DLG2: variants seen among roughly 807,000 people sequenced by gnomAD.
The protein encoded by DLG2 is discs large MAGUK scaffold protein 2.
DLG2 carries 45 observed loss-of-function variants against 132.5 expected under a neutral mutation model. The ratio of observed to expected loss-of-function variants is 0.34; its 90% CI spans 0.27 to 0.44. The LOEUF is 0.44. DLG2 is among the 20% of genes least tolerant of loss of function. The pLI, the probability that DLG2 is intolerant of heterozygous loss-of-function variation, is 1.00. For synonymous variants in DLG2, 424 were observed against 419.6 expected (o/e 1.01, Z -0.13); for missense variants, 1,045 against 1,196.9 (o/e 0.87, Z 1.87).
chr11:85,293,593 T>G (rs537343127), intron 3 of DLG2, among the ~76,000 whole-genome samples: 3 of 152,082 alleles, frequency 2.0e-5, no homozygotes, highest in Non-Finnish European at 4.4e-5. Context: ...ACTACATACT[T>G]GACTTGAAAT....
At chr11:85,433,018 A>T (rs1003664098) in intron 3 of DLG2, among the ~76,000 whole-genome samples, 1 of 152,238 alleles carries the variant, frequency 6.6e-6, no homozygotes, top group Non-Finnish European at 1.5e-5. Context: ...AATATTCAAC[A>T]TTCTTAAAGG....
At position 85,442,572 on chromosome 11, in the gene DLG2, T is replaced by G. The variant is rs568073452; in HGVS notation, c.40+156085A>C. ...GATAGCAAAAGAGAAATTAAAAGTTTTCTTTTGGGTCAGGTACAATGGCTC... is the reference window on the plus strand; with the variant it reads ...GATAGCAAAAGAGAAATTAAAAGTTGTCTTTTGGGTCAGGTACAATGGCTC... On this transcript the variant is annotated intron_variant, in intron 3 of 27. Coordinates refer to ENST00000376104, the MANE Select transcript of DLG2 (RefSeq NM_001142699.3). Among the ~76,000 whole-genome samples, 24 of 152,230 alleles carry G rather than the reference T, an allele frequency of 1.6e-4. No individual in the cohort carries two copies. The South Asian group carries it at 3.9e-3, about 25-fold the overall frequency.
intron 7 of DLG2, among the ~76,000 whole-genome samples, chr11:84,388,113 A>G (rs1484930625): frequency 2.0e-5 from 3 of 152,182 alleles, no homozygotes; most frequent in Admixed American, 2.0e-4. Context: ...GGGACGTATA[A>G]TAACAAACAG....
chr11:85,087,334 G>A (rs1041207669), intron 6 of DLG2, among the ~76,000 whole-genome samples: 4 of 152,208 alleles, frequency 2.6e-5, no homozygotes, highest in African/African-American at 9.6e-5. Context: ...GGATAGAGAA[G>A]CCATCTCTAA....
chr11:84,150,388 A>G (rs1280748630), intron 9 of DLG2, among the ~76,000 whole-genome samples: 7 of 152,176 alleles, frequency 4.6e-5, no homozygotes, highest in African/African-American at 7.2e-5. Context: ...ATTGTTGTAT[A>G]TAAGTGCTAC....
chr11:84,392,593 G>GTAT (rs1788448208), intron 7 of DLG2, among the ~76,000 whole-genome samples: 1 of 152,160 alleles, frequency 6.6e-6, no homozygotes, highest in Non-Finnish European at 1.5e-5. Flanking sequence ...TTGCAAGCAT[G>GTAT]TATTGAACAC....
intron 6 of DLG2, among the ~76,000 whole-genome samples, chr11:84,969,974 G>C (rs1013874951): frequency 6.6e-6 from 1 of 152,012 alleles, no homozygotes; most frequent in East Asian, 1.9e-4. Flanking sequence ...CGATGAGAAC[G>C]CATGGACAGA....
At chr11:83,542,548 G>A (rs1158085873) in intron 19 of DLG2, among the ~76,000 whole-genome samples, 1 of 152,130 alleles carries the variant, frequency 6.6e-6, no homozygotes, top group Non-Finnish European at 1.5e-5. Flanking sequence ...ACGATGCCTA[G>A]CTTACCTCAT....
In DLG2 at chr11:84,167,380, A is replaced by C. The variant is rs562885735; in HGVS notation, c.574-3869T>G. 3.9e-5 allele frequency among the ~76,000 whole-genome samples: 6 copies of C among 152,274 alleles called. No homozygotes were observed. The South Asian group carries it at 1.2e-3, about 32-fold the overall frequency. ...TAAAGCTCTAATTTAATGAATGTTG[A>C]ATGCATTAAATATTTGTTTTTCTCC... On this transcript the variant is annotated intron_variant, in intron 8 of 27. Transcript: ENST00000376104.
rs1012156844 is a variant in DLG2 at position 84,380,775 on chromosome 11, T to G, written c.520-129484A>C. On this transcript the variant is annotated intron_variant, in intron 7 of 27. Transcript: ENST00000376104. Reference sequence around the variant, plus strand: ...AATAGAGAAAATCAGCAAGGCCCAATTTAGTGTTTTCATAACAAATAAAAT... The same window carrying G: ...AATAGAGAAAATCAGCAAGGCCCAAGTTAGTGTTTTCATAACAAATAAAAT... Among the ~76,000 whole-genome samples, 5 of 151,958 alleles carry G rather than the reference T, an allele frequency of 3.3e-5. No individual in the cohort carries two copies. The East Asian group carries it at 9.7e-4, about 29-fold the overall frequency.
At chr11:83,505,948 T>G (rs1308035399) in intron 21 of DLG2, among the ~76,000 whole-genome samples, 3 of 151,994 alleles carry the variant, frequency 2.0e-5, no homozygotes, top group Non-Finnish European at 4.4e-5. Flanking sequence ...GTGGCAGGAG[T>G]GGAGACCATG....
chr11:84,947,559 A>G (rs2050377440), intron 6 of DLG2, among the ~76,000 whole-genome samples: 2 of 152,030 alleles, frequency 1.3e-5, no homozygotes, highest in African/African-American at 4.8e-5. Flanking sequence ...TTCCCCCACC[A>G]CACCCCTTGC....
intron 7 of DLG2, among the ~76,000 whole-genome samples, chr11:84,300,898 T>A (rs1343847436): frequency 6.6e-6 from 1 of 152,342 alleles, no homozygotes; most frequent in African/African-American, 2.4e-5. Context: ...AGAAGCAATT[T>A]GGCAATTAAC....
At position 84,286,269 on chromosome 11, in the gene DLG2, C is replaced by T. The variant is rs543079266; in HGVS notation, c.520-34978G>A. On this transcript the variant is annotated intron_variant, in intron 7 of 27. Transcript: ENST00000376104. ...GACTTTACAGTGGCTTCCAGTGATG[C>T]TCCACTCTGCTGCTTTTAAAAACTC... Among the ~76,000 whole-genome samples, 5 of 152,246 alleles carry T rather than the reference C, an allele frequency of 3.3e-5. No homozygotes were observed. The South Asian group carries it at 8.3e-4, about 25-fold the overall frequency.
chr11:84,287,825 A>C (rs550360538), intron 7 of DLG2, among the ~76,000 whole-genome samples: 14 of 151,832 alleles, frequency 9.2e-5, no homozygotes, highest in African/African-American at 3.4e-4. Context: ...AGGTGTCATT[A>C]ATAATGACTT....
intron 22 of DLG2, chr11:83,480,676 C>G: frequency 6.6e-7 from 1 of 1,504,912 alleles, no homozygotes; most frequent in Non-Finnish European, 9.0e-7. Context: ...TGCATAATGT[C>G]AATTTAGGCG....
chr11:84,757,551 T>C (rs11823972), intron 6 of DLG2, among the ~76,000 whole-genome samples: 2,176 of 152,256 alleles, frequency 0.014, 64 homozygotes, highest in African/African-American at 0.049. Context: ...CAGAGGAAGA[T>C]AAGGTGTTTA....
At chr11:83,838,750 G>T (rs1351087091) in intron 16 of DLG2, among the ~76,000 whole-genome samples, 1 of 150,646 alleles carries the variant, frequency 6.6e-6, no homozygotes, top group Non-Finnish European at 1.5e-5. Flanking sequence ...GCTCTAGTTT[G>T]CCATAGTCCT....
At chr11:84,664,696 T>C (rs552510713) in intron 6 of DLG2, among the ~76,000 whole-genome samples, 185 of 152,234 alleles carry the variant, frequency 1.2e-3, no homozygotes, top group African/African-American at 4.0e-3. Flanking sequence ...CAAAAAATTG[T>C]ATTGATTTTC....
Sources: gnomAD v4.1 joint callset for allele counts (sites outside exome capture counted in the v4.1 genomes callset) on GRCh38, gnomAD v4.1.1 for gene constraint, MANE v1.5 for transcripts, NCBI Gene and HGNC (gene_info 2026-07-23, HGNC 2026-07-21) for gene names.